The following PTPN23 variants were observed in gnomAD, a reference collection of about 807,000 sequenced individuals.
PTPN23 encodes tyrosine-protein phosphatase non-receptor type 23.
In PTPN23, 72 loss-of-function variants were observed where a neutral mutation model predicts 156.3. The ratio of observed to expected loss-of-function variants is 0.46; its 90% CI spans 0.38 to 0.56. The LOEUF (loss-of-function observed/expected upper bound fraction) is 0.56. Among genes scored for constraint, PTPN23 ranks in the 20% least tolerant of loss-of-function variants. The probability of loss-of-function intolerance (pLI) is 0.00; values close to 1 mark genes in which losing one functional copy is unlikely to be tolerated. For missense variants in PTPN23, 1,974 were observed against 2,171.5 expected (o/e 0.91, Z 1.81); for synonymous variants, 957 against 899.6 (o/e 1.06, Z -1.14).
In PTPN23 at chr3:47,406,866, C is replaced by A; in HGVS notation, c.807+116C>A. ...CTTCTCTGTCTCACCCTGGCCATCA[C>A]CCTGCTGGAGGCCTGGTGTCTTAAG... On this transcript the variant is annotated intron_variant, in intron 9 of 24. Transcript: ENST00000265562. This position sits in a 1 kb window ranked among gnomAD's most constrained non-coding sequence, Gnocchi z 5.8. 7.3e-7 allele frequency: 1 copy of A among 1,373,542 alleles called. No individual in the cohort carries two copies. Among genetic ancestry groups the A allele is most frequent in the East Asian group, 2.5e-5 (1 of 40,708 alleles). 85.1% of individuals were successfully genotyped at this position (1,373,542 alleles called of 1,614,324 possible). A position where few individuals can be genotyped will look rare whatever the true frequency, so the allele number is the denominator to read the frequency against.
chr3:47,413,132 T>TCTGACGACCCC lies in PTPN23; in HGVS notation c.4861_4871dup (p.Ser1625ThrfsTer92). ...GCAAGGGCTGCGGGCCACCCGGCCCTCTGACGACCCCCTCAGCCTTCTGGA... is the reference window on the plus strand; with the variant it reads ...GCAAGGGCTGCGGGCCACCCGGCCCTCTGACGACCCCCTGACGACCCCCTCAGCCTTCTGGA... On this transcript the variant is annotated frameshift_variant, in exon 25 of 25. Transcript: ENST00000265562. LOFTEE classifies it high-confidence loss of function. The TCTGACGACCCC allele has an allele frequency of 6.2e-7, 1 of 1,612,822 alleles. No individual in the cohort carries two copies. The highest frequency in any genetic ancestry group is 8.5e-7 in the Non-Finnish European group (1 of 1,179,996).
Position 47,406,109 on chromosome 3 carries a change from C to A in PTPN23, c.546+63C>A. The A allele has an allele frequency of 6.3e-7, 1 of 1,582,978 alleles. No homozygotes were observed. The highest frequency in any genetic ancestry group is 8.6e-7 in the Non-Finnish European group (1 of 1,165,426). On this transcript the variant is annotated intron_variant, in intron 6 of 24. Coordinates refer to ENST00000265562, the MANE Select transcript of PTPN23 (RefSeq NM_015466.4). This position sits in a 1 kb window ranked among gnomAD's most constrained non-coding sequence, Gnocchi z 5.8. Reference sequence around the variant, plus strand: ...GGGAAGGGGATGGCCAGGGAGGGGGCAGTTGGGCCTGGATCCTGGACCAAG... The same window carrying A: ...GGGAAGGGGATGGCCAGGGAGGGGGAAGTTGGGCCTGGATCCTGGACCAAG...
Position 47,410,960 on chromosome 3 carries a change from C to T in PTPN23, c.3162C>T (p.Ala1054=), listed in dbSNP as rs1311003623. 4.4e-6 allele frequency: 7 copies of T among 1,609,024 alleles called. No homozygotes were observed. Among genetic ancestry groups the T allele is most frequent in the Non-Finnish European group, 8.5e-7 (1 of 1,177,130 alleles). The change falls in exon 20 of 25, where the codon GCC becomes GCT. Residue 1054 remains alanine (A), a synonymous_variant. Coordinates refer to ENST00000265562, the MANE Select transcript of PTPN23 (RefSeq NM_015466.4). ...ATCCCCCACTGGCATATGGTCCTGC[C>T]CCTTCTACCAGACCCATGGGCCCCC... ...PPHPPLAYGP[A]PSTRPMGPQA... is the part of the protein sequence containing the mutation.
chr3:47,412,644 G>C lies in PTPN23; in HGVS notation c.4431+17G>C, dbSNP rs767902112. ...AGCCAGAAGGTGAGGAAGGTTCCGTGGAAGCTGCTGGGAGAGCCACAGCCT... is the reference window on the plus strand; with the variant it reads ...AGCCAGAAGGTGAGGAAGGTTCCGTCGAAGCTGCTGGGAGAGCCACAGCCT... On this transcript the variant is annotated intron_variant, in intron 24 of 24. Transcript: ENST00000265562. 1.2e-6 allele frequency: 2 copies of C among 1,609,402 alleles called. No homozygotes were observed. The highest frequency in any genetic ancestry group is 1.3e-5 in the African/African-American group (1 of 74,956).
chr3:47,386,139 C>T, intron 1 of PTPN23, among the ~76,000 whole-genome samples: 1 of 152,114 alleles, frequency 6.6e-6, no homozygotes, highest in Non-Finnish European at 1.5e-5. Context: ...ACTGGGTTAG[C>T]CTGCACCACA....
intron 14 of PTPN23, 135 bp downstream of exon 14, chr3:47,408,090 T>G (rs1531874): frequency 8.9e-7 from 1 of 1,119,626 alleles, no homozygotes; most frequent in Non-Finnish European, 1.3e-6. Context: ...CCTTCCCGCC[T>G]GGGGTGGTGG....
intron 2 of PTPN23, among the ~76,000 whole-genome samples, chr3:47,402,471 G>C (rs1447724026): frequency 6.6e-6 from 1 of 152,040 alleles, no homozygotes; most frequent in Admixed American, 6.6e-5. Context: ...GTAGATACGG[G>C]GTTTCACCAC....
chr3:47,411,716 G>T lies in PTPN23; in HGVS notation c.3888+30G>T. On this transcript the variant is annotated intron_variant, in intron 20 of 24. Coordinates refer to ENST00000265562, the MANE Select transcript of PTPN23 (RefSeq NM_015466.4). The surrounding 1 kb of genome is among the most constrained non-coding windows in gnomAD (Gnocchi z 6.3). ...GAAGAGGGGGTGGGTGCCCACGAGG[G>T]CAGTGTGGGGTGGCAGGGCAGGGGA... The T allele has an allele frequency of 6.3e-7, 1 of 1,595,936 alleles. No homozygotes were observed.
At chr3:47,381,802 A>G (rs1214265405) in intron 1 of PTPN23, among the ~76,000 whole-genome samples, 1 of 152,182 alleles carries the variant, frequency 6.6e-6, no homozygotes, top group East Asian at 1.9e-4. Context: ...TGCTTTTCGT[A>G]ACCGACTGGA....
At position 47,411,698 on chromosome 3, in the gene PTPN23, G is replaced by A. The variant is rs1313101525; in HGVS notation, c.3888+12G>A. The A allele has an allele frequency of 1.3e-6, 2 of 1,599,724 alleles. No homozygotes were observed. The highest frequency in any genetic ancestry group is 1.1e-5 in the South Asian group (1 of 90,180). On this transcript the variant is annotated intron_variant, in intron 20 of 24. Transcript: ENST00000265562. The surrounding 1 kb of genome is among the most constrained non-coding windows in gnomAD (Gnocchi z 6.3). ...CTGAGATGGAGAAGGTGAGAAGAGGGGGTGGGTGCCCACGAGGGCAGTGTG... is the reference window on the plus strand; with the variant it reads ...CTGAGATGGAGAAGGTGAGAAGAGGAGGTGGGTGCCCACGAGGGCAGTGTG...
chr3:47,409,905 CT>C (rs2107721292), intron 19 of PTPN23, 22 bp from the exon 20 acceptor site: 3 of 1,573,162 alleles, frequency 1.9e-6, no homozygotes, highest in Non-Finnish European at 8.6e-7. Context: ...CCTGGCCCCA[CT>C]TTTTCCTTGC....
chr3:47,412,637 G>A lies in PTPN23; in HGVS notation c.4431+10G>A. On this transcript the variant is annotated intron_variant, in intron 24 of 24. Transcript: ENST00000265562. ...AAGCATCAGCCAGAAGGTGAGGAAG[G>A]TTCCGTGGAAGCTGCTGGGAGAGCC... The A allele has an allele frequency of 6.2e-7, 1 of 1,610,902 alleles. No individual in the cohort carries two copies. Among genetic ancestry groups the A allele is most frequent in the South Asian group, 1.1e-5 (1 of 90,802 alleles).
chr3:47,386,868 G>A (rs1704664433), intron 1 of PTPN23, among the ~76,000 whole-genome samples: 1 of 152,182 alleles, frequency 6.6e-6, no homozygotes, highest in East Asian at 1.9e-4. Flanking sequence ...ATACACCAGA[G>A]GCCTATATCC....
At position 47,411,794 on chromosome 3, in the gene PTPN23, A is replaced by G. The variant is rs990422313; in HGVS notation, c.3900A>G (p.Ala1300=). 1 of 1,585,288 alleles carries G rather than the reference A, an allele frequency of 6.3e-7. No individual in the cohort carries two copies. ...SEAEMEKQKV[A]RYFPTERGQP... ...TATCTGTCCCTCAGCAAAAAGTGGC[A>G]CGCTACTTCCCCACCGAGAGGGGCC... The change falls in exon 21 of 25, where the codon GCA becomes GCG. Residue 1300 remains alanine (A), a synonymous_variant. Transcript: ENST00000265562. This position sits in a 1 kb window ranked among gnomAD's most constrained non-coding sequence, Gnocchi z 6.3.
chr3:47,409,832 C>T lies in PTPN23; in HGVS notation c.2127C>T (p.Asp709=), dbSNP rs769420259. Residue 709 remains aspartate (D), a splice_region_variant and synonymous_variant, in exon 19 of 25, where the codon GAC becomes GAT. Transcript: ENST00000265562. ...AREAARQQLL[D]RELKKKPPPR... ...AGGCTGCCCGCCAGCAGCTCCTGGACAGGTTTGTGTGGCCCTGGGGCTGTG... is the reference window on the plus strand; with the variant it reads ...AGGCTGCCCGCCAGCAGCTCCTGGATAGGTTTGTGTGGCCCTGGGGCTGTG... 4 of 1,610,170 alleles carry T rather than the reference C, an allele frequency of 2.5e-6. No individual in the cohort carries two copies. Among genetic ancestry groups the T allele is most frequent in the Admixed American group, 1.7e-5 (1 of 59,622 alleles).
chr3:47,412,655 G>A (rs935561072), intron 24 of PTPN23, 28 bp downstream of exon 24: 2 of 1,607,390 alleles, frequency 1.2e-6, no homozygotes, highest in African/African-American at 1.3e-5. Flanking sequence ...GAAGCTGCTG[G>A]GAGAGCCACA....
intron 1 of PTPN23, among the ~76,000 whole-genome samples, chr3:47,389,359 C>G (rs1191217294): frequency 6.6e-6 from 1 of 152,144 alleles, no homozygotes; most frequent in Non-Finnish European, 1.5e-5. Context: ...GCCTGTAATC[C>G]CAGCGCTTTG....
chr3:47,389,854 A>G, intron 1 of PTPN23, among the ~76,000 whole-genome samples: 1 of 150,350 alleles, frequency 6.7e-6, no homozygotes, highest in East Asian at 1.9e-4. Flanking sequence ...AAAAAAAAAA[A>G]AAAAAAAAAG....
chr3:47,400,461 G>C (rs1296177512), intron 2 of PTPN23, among the ~76,000 whole-genome samples: 1 of 152,238 alleles, frequency 6.6e-6, no homozygotes, highest in African/African-American at 2.4e-5. Flanking sequence ...ACCACAGGGG[G>C]CTGCATTCTT....
Sources: allele counts gnomAD v4.1 joint callset (sites outside exome capture counted in the v4.1 genomes callset), GRCh38; gene constraint gnomAD v4.1.1; non-coding constraint Gnocchi (gnomAD v3.1); transcripts MANE v1.5; gene names NCBI Gene and HGNC (gene_info 2026-07-23, HGNC 2026-07-21).